YPEL1: variants seen among roughly 807,000 people sequenced by gnomAD.
YPEL1 encodes the protein yippee like 1.
YPEL1 carries 7 observed loss-of-function variants against 17.3 expected under a neutral mutation model. The observed-to-expected ratio is 0.40, with a 90% CI of 0.23 to 0.76. The LOEUF (loss-of-function observed/expected upper bound fraction) is 0.76, where lower values mean the gene tolerates loss of function less well. YPEL1 is among the 30% of genes least tolerant of loss of function. YPEL1 has a pLI of 0.35. For missense variants in YPEL1, 91 were observed against 155.5 expected, an observed-to-expected ratio of 0.59 and a Z score of 2.21; for synonymous variants, 59 against 59.6, an observed-to-expected ratio of 0.99 and a Z score of 0.05.
chr22:21,711,084 C>T (rs1025338354), intron 1 of YPEL1, among the ~76,000 whole-genome samples, 176 bp from the exon 2 acceptor site: 2 of 150,076 alleles, frequency 1.3e-5, no homozygotes, highest in Non-Finnish European at 3.0e-5. Flanking sequence ...AGTGCAGTGG[C>T]GCAATCTCAG....
intron 1 of YPEL1, among the ~76,000 whole-genome samples, chr22:21,721,720 G>C (rs886756146): frequency 1.3e-5 from 2 of 152,162 alleles, no homozygotes; most frequent in South Asian, 4.1e-4. Context: ...CACTGTGCCC[G>C]GCCCAACATT....
chr22:21,727,371 T>A (rs539844156), intron 1 of YPEL1, among the ~76,000 whole-genome samples: 1 of 152,312 alleles, frequency 6.6e-6, no homozygotes, highest in Admixed American at 6.5e-5. Context: ...TTTTACAAGA[T>A]CTATTGGCAA....
rs2068429474 is a variant in YPEL1 at position 21,735,630 on chromosome 22, C to G, written c.-180G>C. Reference sequence around the variant, plus strand: ...CCGTACTCACGGCCGCTCCGCGGTCCGCGCCCCGGCCCGCAGCGCCCATCC... The same window carrying G: ...CCGTACTCACGGCCGCTCCGCGGTCGGCGCCCCGGCCCGCAGCGCCCATCC... On this transcript the variant is annotated 5_prime_UTR_variant, in exon 1 of 5. Transcript: ENST00000339468. 1 of 151,702 alleles carries G rather than the reference C, an allele frequency of 6.6e-6. No homozygotes were observed. Among genetic ancestry groups the G allele is most frequent in the Non-Finnish European group, 1.5e-5 (1 of 67,892 alleles). The allele number at this position is 151,702 out of a possible 1,614,324, so 9.4% of individuals were successfully genotyped here.
chr22:21,725,220 A>ATT (rs991732672), intron 1 of YPEL1, among the ~76,000 whole-genome samples: 50 of 126,302 alleles, frequency 4.0e-4, no homozygotes, highest in Non-Finnish European at 4.4e-4. Flanking sequence ...TAAAATGGTA[A>ATT]TTTTTTTTTT....
intron 2 of YPEL1, 74 bp downstream of exon 2, chr22:21,710,554 T>C: frequency 7.9e-7 from 1 of 1,264,794 alleles, no homozygotes. Flanking sequence ...GATGCTTAAA[T>C]ATTCTTCCAC....
rs1005729609 is a variant in YPEL1 at position 21,698,309 on chromosome 22, T to TTCAA, written c.*2816_*2819dup. ...GTCATAAGACTACTAGTAAAAAATGTTCAATCAATGCCGTCACAAAAGACA... is the reference window on the plus strand; with the variant it reads ...GTCATAAGACTACTAGTAAAAAATGTTCAATCAATCAATGCCGTCACAAAAGACA... On this transcript the variant is annotated 3_prime_UTR_variant, in exon 5 of 5. Transcript: ENST00000339468. The TTCAA allele has an allele frequency of 5.4e-5, 8 of 148,042 alleles. No individual in the cohort carries two copies. The highest frequency in any genetic ancestry group is 3.4e-3 in the Middle Eastern group (1 of 298). 9.2% of individuals were successfully genotyped at this position (148,042 alleles called of 1,614,324 possible).
chr22:21,711,687 T>A (rs1309894437), intron 1 of YPEL1, among the ~76,000 whole-genome samples: 2 of 152,164 alleles, frequency 1.3e-5, no homozygotes, highest in Admixed American at 1.3e-4. Context: ...AATATAAAGT[T>A]GGACTCTTAC....
intron 1 of YPEL1, among the ~76,000 whole-genome samples, chr22:21,734,800 A>T (rs1346114245): frequency 6.6e-6 from 1 of 152,200 alleles, no homozygotes; most frequent in Non-Finnish European, 1.5e-5. Flanking sequence ...CAGTGGTGGT[A>T]AACCTAGTCT....
At chr22:21,718,240 G>A (rs1352647847) in intron 1 of YPEL1, among the ~76,000 whole-genome samples, 2 of 151,992 alleles carry the variant, frequency 1.3e-5, no homozygotes, top group African/African-American at 4.8e-5. Context: ...AAGGCGGGTG[G>A]ATCATGAGGT....
chr22:21,732,707 G>A (rs1252742032), intron 1 of YPEL1, among the ~76,000 whole-genome samples: 1 of 151,396 alleles, frequency 6.6e-6, no homozygotes, highest in Non-Finnish European at 1.5e-5. Context: ...GCTTGAACCC[G>A]GGAGGCGGAG....
Position 21,699,896 on chromosome 22 carries a change from G to T in YPEL1, c.*1233C>A, listed in dbSNP as rs2068047605. On this transcript the variant is annotated 3_prime_UTR_variant, in exon 5 of 5. Transcript: ENST00000339468. ...AACCCCTGGTACCAGACCCTGTGAG[G>T]CTGTCACCTCAGTAAGGGCACCTCT... 1 of 152,568 alleles carries T rather than the reference G, an allele frequency of 6.6e-6. No homozygotes were observed. Among genetic ancestry groups the T allele is most frequent in the African/African-American group, 2.4e-5 (1 of 41,552 alleles). The allele number at this position is 152,568 out of a possible 1,614,324, so 9.5% of individuals were successfully genotyped here. A position where few individuals can be genotyped will look rare whatever the true frequency, so the allele number is the denominator to read the frequency against.
At position 21,698,920 on chromosome 22, in the gene YPEL1, T is replaced by G. The variant is rs1207562658; in HGVS notation, c.*2209A>C. The G allele has an allele frequency of 6.6e-6, 1 of 152,436 alleles. No individual in the cohort carries two copies. The highest frequency in any genetic ancestry group is 6.5e-5 in the Admixed American group (1 of 15,292). 9.4% of individuals were successfully genotyped at this position (152,436 alleles called of 1,614,324 possible). On this transcript the variant is annotated 3_prime_UTR_variant, in exon 5 of 5. Transcript: ENST00000339468. ...CAGGGCCATAGCCGGATGTGGAGGC[T>G]TCCAAGACAGTACAAAGATTTCCTT...
At chr22:21,701,643 C>T (rs1431244929) in intron 4 of YPEL1, among the ~76,000 whole-genome samples, 1 of 152,144 alleles carries the variant, frequency 6.6e-6, no homozygotes, top group Non-Finnish European at 1.5e-5. Context: ...GATCTGTTTA[C>T]TGAACATTTA....
Position 21,703,927 on chromosome 22 carries a change from G to C in YPEL1, c.118-45C>G. 6.4e-7 allele frequency: 1 copy of C among 1,560,388 alleles called. No homozygotes were observed. Among genetic ancestry groups the C allele is most frequent in the Non-Finnish European group, 8.7e-7 (1 of 1,152,090 alleles). On this transcript the variant is annotated intron_variant, in intron 2 of 4. Coordinates refer to ENST00000339468, the MANE Select transcript of YPEL1 (RefSeq NM_013313.5). This position sits in a 1 kb window ranked among gnomAD's most constrained non-coding sequence, Gnocchi z 6.1. ...TGAGATTGGCTGCGAGTGCTTTCTG[G>C]AACGAAGCGGTGCTGCCCAGAACCA... is the stretch of plus-strand genomic sequence containing the variant.
intron 1 of YPEL1, among the ~76,000 whole-genome samples, chr22:21,713,968 G>A (rs1010356362): frequency 1.3e-5 from 2 of 152,038 alleles, no homozygotes; most frequent in African/African-American, 2.4e-5. Flanking sequence ...CCCCAAATTC[G>A]AGAGCACGGG....
At chr22:21,712,595 G>A (rs1031352696) in intron 1 of YPEL1, among the ~76,000 whole-genome samples, 6 of 151,374 alleles carry the variant, frequency 4.0e-5, no homozygotes, top group Non-Finnish European at 8.8e-5. Flanking sequence ...GCGTGGTGGC[G>A]GGTGCTTGTA....
Position 21,712,395 on chromosome 22 carries a change from C to T in YPEL1, c.-164-1487G>A, listed in dbSNP as rs955680776. On this transcript the variant is annotated intron_variant, in intron 1 of 4. Coordinates refer to ENST00000339468, the MANE Select transcript of YPEL1 (RefSeq NM_013313.5). Reference sequence around the variant, plus strand: ...AAAAAAAAAAAAAAAACAACTACAACTCAGCAAATCAAACAAACAGGTTAA... The same window carrying T: ...AAAAAAAAAAAAAAAACAACTACAATTCAGCAAATCAAACAAACAGGTTAA... Among the ~76,000 whole-genome samples, 41 of 132,144 alleles carry T rather than the reference C, an allele frequency of 3.1e-4. 1 individual carries two copies. Among genetic ancestry groups the T allele is most frequent in the African/African-American group, 1.1e-3 (39 of 36,980 alleles). 86.7% of individuals were successfully genotyped at this position (132,144 alleles called of 152,430 possible).
In YPEL1 at chr22:21,710,730, T is replaced by C; in HGVS notation, c.15A>G (p.Thr5=). 1 of 1,614,210 alleles carries C rather than the reference T, an allele frequency of 6.2e-7. No individual in the cohort carries two copies. Among genetic ancestry groups the C allele is most frequent in the Non-Finnish European group, 8.5e-7 (1 of 1,180,024 alleles). MVKM[T]KSKTFQAYLP... is the part of the protein sequence containing the mutation. ...GATACGCTTGGAAAGTTTTGGACTT[T>C]GTCATTTTCACCATCTCTCCTGGGC... Residue 5 remains threonine (T), a synonymous_variant, in exon 2 of 5, where the codon ACA becomes ACG. Coordinates refer to ENST00000339468, the MANE Select transcript of YPEL1 (RefSeq NM_013313.5).
intron 1 of YPEL1, chr22:21,722,989 A>G (rs777880583): frequency 1.3e-5 from 2 of 150,642 alleles, no homozygotes; most frequent in Non-Finnish European, 2.9e-5. Flanking sequence ...TTTGTTTTCA[A>G]CTTAGGCCTG....
Sources: allele counts gnomAD v4.1 joint callset (sites outside exome capture counted in the v4.1 genomes callset), GRCh38; gene constraint gnomAD v4.1.1; non-coding constraint Gnocchi (gnomAD v3.1); transcripts MANE v1.5; gene names NCBI Gene and HGNC (gene_info 2026-07-23, HGNC 2026-07-21).